The following ARL14EP variants were observed in gnomAD, a reference collection of about 807,000 sequenced individuals.
The protein encoded by ARL14EP is ARL14 effector protein.
A neutral mutation model predicts 23.1 loss-of-function variants in ARL14EP; 12 were observed. The observed-to-expected ratio is 0.52, with a 90% confidence interval of 0.33 to 0.84. ARL14EP has a LOEUF of 0.84. Ranked by LOEUF, ARL14EP falls within the 40% of genes least tolerant of loss-of-function variation. The probability of loss-of-function intolerance (pLI) is 0.02; values close to 1 mark genes in which losing one functional copy is unlikely to be tolerated. For missense variants in ARL14EP, 253 were observed against 307.3 expected, an observed-to-expected ratio of 0.82 and a Z score of 1.32; for synonymous variants, 97 against 102.0, an observed-to-expected ratio of 0.95 and a Z score of 0.29.
intron 3 of ARL14EP, among the ~76,000 whole-genome samples, chr11:30,336,190 A>G (rs1345880227): frequency 3.3e-5 from 5 of 152,236 alleles, no homozygotes; most frequent in Non-Finnish European, 7.3e-5. Context: ...ATAAAAATCT[A>G]TAGAGGTGGT....
At chr11:30,332,815 C>G (rs1444201010) in intron 2 of ARL14EP, 51 bp from the exon 3 acceptor site, 2 of 1,597,302 alleles carry the variant, frequency 1.3e-6, no homozygotes, top group African/African-American at 2.7e-5. Flanking sequence ...AAATGTTAAT[C>G]TGTTGTCTGT....
chr11:30,324,190 TAAG>T (rs1947218742), intron 1 of ARL14EP, among the ~76,000 whole-genome samples: 1 of 152,168 alleles, frequency 6.6e-6, no homozygotes, highest in Admixed American at 6.5e-5. Context: ...TTTTATTAAA[TAAG>T]AGATAATCTG....
chr11:30,336,011 C>T (rs1425728502), intron 3 of ARL14EP, among the ~76,000 whole-genome samples: 1 of 152,060 alleles, frequency 6.6e-6, no homozygotes, highest in Admixed American at 6.6e-5. Context: ...TAGAATATGA[C>T]TCTAAAACAA....
chr11:30,323,450 G>T (rs887107682), intron 1 of ARL14EP, among the ~76,000 whole-genome samples: 2 of 152,244 alleles, frequency 1.3e-5, no homozygotes, highest in African/African-American at 4.8e-5. Context: ...CTCTCTGAGG[G>T]TCGTCGCCTG....
At chr11:30,335,001 G>A (rs1177398749) in intron 3 of ARL14EP, among the ~76,000 whole-genome samples, 1 of 152,220 alleles carries the variant, frequency 6.6e-6, no homozygotes, top group Non-Finnish European at 1.5e-5. Context: ...GGCCAGAGCT[G>A]CCATAGACAG....
chr11:30,329,923 A>AT (rs1174623397), intron 1 of ARL14EP: 1 of 151,556 alleles, frequency 6.6e-6, no homozygotes, highest in South Asian at 2.1e-4. Flanking sequence ...TTATTTATTT[A>AT]TTTTTTTGGT....
chr11:30,336,918 A>T lies in ARL14EP; in HGVS notation c.*123A>T. Reference sequence around the variant, plus strand: ...TTTAAAACCATCTCAGTGTGCCCTAATTTTTCATCTTGGGTGCTTTAAGAT... The same window carrying T: ...TTTAAAACCATCTCAGTGTGCCCTATTTTTTCATCTTGGGTGCTTTAAGAT... On this transcript the variant is annotated 3_prime_UTR_variant, in exon 4 of 4. Coordinates refer to ENST00000282032, the MANE Select transcript of ARL14EP (RefSeq NM_152316.3). The T allele has an allele frequency of 1.1e-6, 1 of 911,616 alleles. No individual in the cohort carries two copies. The highest frequency in any genetic ancestry group is 3.2e-4 in the Middle Eastern group (1 of 3,140). 56.5% of individuals were successfully genotyped at this position (911,616 alleles called of 1,614,324 possible).
At position 30,336,597 on chromosome 11, in the gene ARL14EP, T is replaced by C. The variant is rs1205783281; in HGVS notation, c.585T>C (p.Tyr195=). The C allele has an allele frequency of 3.7e-6, 6 of 1,613,914 alleles. No individual in the cohort carries two copies. The highest frequency in any genetic ancestry group is 3.3e-4 in the Middle Eastern group (2 of 6,084). The part of the protein sequence containing the change: ...RQVIPAKSKV[Y]DSQGLLIFSG... ...TGATACCAGCAAAGAGTAAGGTCTA[T>C]GATAGCCAGGGTCTCCTGATTTTTA... Residue 195 remains tyrosine, a synonymous_variant, in exon 4 of 4, where the codon TAT becomes TAC. Transcript: ENST00000282032.
intron 1 of ARL14EP, chr11:30,329,541 C>G (rs1355418349): frequency 3.3e-5 from 5 of 152,158 alleles, no homozygotes; most frequent in African/African-American, 2.4e-5. Flanking sequence ...GCAGTTGCAG[C>G]AATTTACATT....
chr11:30,325,724 ATGC>A (rs1565007146), intron 1 of ARL14EP, among the ~76,000 whole-genome samples: 1 of 152,192 alleles, frequency 6.6e-6, no homozygotes, highest in South Asian at 2.1e-4. Context: ...AACTGGTAAG[ATGC>A]TATAACCAGT....
At chr11:30,324,288 A>G (rs1221371092) in intron 1 of ARL14EP, among the ~76,000 whole-genome samples, 2 of 152,138 alleles carry the variant, frequency 1.3e-5, no homozygotes, top group South Asian at 2.1e-4. Flanking sequence ...AACTTTTTTT[A>G]TGTTTTTCAT....
At chr11:30,327,693 T>A (rs1359030570) in intron 1 of ARL14EP, among the ~76,000 whole-genome samples, 1 of 151,438 alleles carries the variant, frequency 6.6e-6, no homozygotes, top group Non-Finnish European at 1.5e-5. Context: ...GCACGGTGGC[T>A]CATGCCTGTA....
intron 3 of ARL14EP, among the ~76,000 whole-genome samples, chr11:30,335,825 G>C (rs1947327490): frequency 6.6e-6 from 1 of 151,196 alleles, no homozygotes; most frequent in Non-Finnish European, 1.5e-5. Flanking sequence ...GGGTGGTCTG[G>C]AACCAAACCC....
chr11:30,325,690 G>A (rs763211444), intron 1 of ARL14EP, among the ~76,000 whole-genome samples: 1 of 151,846 alleles, frequency 6.6e-6, no homozygotes, highest in Non-Finnish European at 1.5e-5. Flanking sequence ...ATCTTTTCTT[G>A]CGTTAAAAGA....
chr11:30,329,680 G>A (rs1241979615), intron 1 of ARL14EP: 1 of 152,044 alleles, frequency 6.6e-6, no homozygotes, highest in Non-Finnish European at 1.5e-5. Flanking sequence ...GGAACTATGG[G>A]GGAAACAGTT....
intron 1 of ARL14EP, among the ~76,000 whole-genome samples, chr11:30,323,774 A>G (rs1178126983): frequency 6.6e-6 from 1 of 151,918 alleles, no homozygotes; most frequent in African/African-American, 2.4e-5. Flanking sequence ...GTTTGGGGGC[A>G]CTCTGTTAGG....
intron 1 of ARL14EP, chr11:30,328,671 T>C (rs1382254662): frequency 6.6e-6 from 1 of 152,172 alleles, no homozygotes; most frequent in Non-Finnish European, 1.5e-5. Context: ...AACACAGACA[T>C]TTATTCGCCA....
intron 1 of ARL14EP, chr11:30,330,131 C>T (rs1448948832): frequency 6.6e-6 from 1 of 151,974 alleles, no homozygotes; most frequent in Non-Finnish European, 1.5e-5. Flanking sequence ...TGATACCCAT[C>T]GATTAATAGT....
intron 3 of ARL14EP, 112 bp downstream of exon 3, chr11:30,333,105 T>C (rs1187816825): frequency 3.6e-6 from 5 of 1,391,152 alleles, no homozygotes; most frequent in Non-Finnish European, 3.0e-6. Flanking sequence ...AATTGGATAA[T>C]GTAGAATTAG....
Sources: gnomAD v4.1 joint callset for allele counts (sites outside exome capture counted in the v4.1 genomes callset) on GRCh38, gnomAD v4.1.1 for gene constraint, MANE v1.5 for transcripts, NCBI Gene and HGNC (gene_info 2026-07-23, HGNC 2026-07-21) for gene names.